AOPEP: variants seen among roughly 807,000 people sequenced by gnomAD.
AOPEP encodes aminopeptidase O.
Under a neutral mutation model 98.1 loss-of-function variants are expected in AOPEP, and 77 were observed. The ratio of observed to expected loss-of-function variants is 0.78; its 90% CI spans 0.65 to 0.95. The LOEUF is 0.95. Among genes scored for constraint, AOPEP ranks in the 40% least tolerant of loss-of-function variants. The pLI is 0.00. For missense variants in AOPEP, 1,024 were observed against 1,024.7 expected (o/e 1.00, Z 0.01); for synonymous variants, 346 against 365.3 (o/e 0.95, Z 0.60).
intron 2 of AOPEP, among the ~76,000 whole-genome samples, chr9:94,769,485 C>T (rs1840372849): frequency 6.6e-6 from 1 of 152,148 alleles, no homozygotes. Flanking sequence ...GGTGTGCCTA[C>T]CCTAAGACCT....
At chr9:94,855,862 T>C (rs1203991503) in intron 5 of AOPEP, among the ~76,000 whole-genome samples, 1 of 152,156 alleles carries the variant, frequency 6.6e-6, no homozygotes, top group African/African-American at 2.4e-5. Flanking sequence ...AAGTCACAGG[T>C]GTCCTCTTCT....
the AOPEP span, chr9:95,111,430 C>A: frequency 6.2e-7 from 1 of 1,605,012 alleles, no homozygotes; most frequent in South Asian, 1.1e-5. Context: ...CCAGAGCCCA[C>A]CCCAAACACA....
intron 5 of AOPEP, among the ~76,000 whole-genome samples, chr9:94,830,444 A>G (rs2134434146): frequency 6.6e-6 from 1 of 152,334 alleles, no homozygotes; most frequent in African/African-American, 2.4e-5. Flanking sequence ...CTTATCTTTC[A>G]TGGACATCTG....
the AOPEP span, among the ~76,000 whole-genome samples, chr9:95,135,938 A>G: frequency 0.5 from 75,286 of 152,032 alleles, 19,278 homozygotes; most frequent in East Asian, 0.62. Flanking sequence ...GTATGATCTC[A>G]GAGAAGTTAA....
Position 94,795,810 on chromosome 9 carries a change from C to T in AOPEP, c.1118+2892C>T, listed in dbSNP as rs116554721. ...AAGAGATGATGTCTAAAATTCCTGT[C>T]GGGCTTTAGGGGAAGAAGCAAGTAC... On this transcript the variant is annotated intron_variant, in intron 4 of 16. Transcript: ENST00000375315. Among the ~76,000 whole-genome samples, 508 of 152,240 alleles carry T rather than the reference C, an allele frequency of 3.3e-3. 3 individuals are homozygous for T. The highest frequency in any genetic ancestry group is 0.011 in the African/African-American group (456 of 41,542).
the AOPEP span, among the ~76,000 whole-genome samples, chr9:95,097,800 A>G: frequency 6.6e-6 from 1 of 152,232 alleles, no homozygotes. Context: ...GACCCATGGT[A>G]TAAACCAATT....
chr9:95,012,052 G>A (rs1201470467), intron 13 of AOPEP, among the ~76,000 whole-genome samples: 1 of 152,198 alleles, frequency 6.6e-6, no homozygotes, highest in African/African-American at 2.4e-5. Context: ...ATCAGATCAT[G>A]TAAATGTACA....
intron 14 of AOPEP, among the ~76,000 whole-genome samples, chr9:95,078,270 G>A (rs569762714): frequency 6.3e-4 from 96 of 152,310 alleles, no homozygotes; most frequent in Admixed American, 1.2e-3. Flanking sequence ...GGCCGCCACC[G>A]AGGGCCTTGT....
intron 11 of AOPEP, among the ~76,000 whole-genome samples, chr9:94,996,800 T>C (rs2061274424): frequency 6.6e-6 from 1 of 152,236 alleles, no homozygotes; most frequent in African/African-American, 2.4e-5. Context: ...GTGTGTGTTT[T>C]CTAAACAATA....
At chr9:94,732,072 A>AC (rs111865678) in intron 1 of AOPEP, among the ~76,000 whole-genome samples, 74 of 151,782 alleles carry the variant, frequency 4.9e-4, no homozygotes, top group African/African-American at 1.7e-3. Flanking sequence ...GGTGTGGGTC[A>AC]CCCCGCCCAG....
At chr9:94,828,733 C>A (rs1049978384) in intron 5 of AOPEP, among the ~76,000 whole-genome samples, 21 of 151,830 alleles carry the variant, frequency 1.4e-4, no homozygotes, top group African/African-American at 3.4e-4. Flanking sequence ...TATACACACA[C>A]AATATATATA....
At chr9:94,973,277 A>G (rs1017615128) in intron 10 of AOPEP, among the ~76,000 whole-genome samples, 2 of 152,354 alleles carry the variant, frequency 1.3e-5, no homozygotes, top group African/African-American at 2.4e-5. Context: ...CTCTTGATCA[A>G]GCAACATGTT....
rs111258660 is a variant in AOPEP at position 94,965,634 on chromosome 9, C to T, written c.1873-2124C>T. Among the ~76,000 whole-genome samples the T allele has an allele frequency of 3.7e-3, 561 of 152,330 alleles. 3 individuals are homozygous for T. The highest frequency in any genetic ancestry group is 0.013 in the African/African-American group (545 of 41,584). On this transcript the variant is annotated intron_variant, in intron 9 of 16. Coordinates refer to ENST00000375315, the MANE Select transcript of AOPEP (RefSeq NM_001193329.3). ...CAGTTAAATGGGTCTCATCAGAGTC[C>T]TGTGTGAAGTCTGTATCTGCAGACT...
At chr9:94,737,573 A>G (rs1587965069) in intron 1 of AOPEP, among the ~76,000 whole-genome samples, 1 of 152,262 alleles carries the variant, frequency 6.6e-6, no homozygotes, top group Non-Finnish European at 1.5e-5. Context: ...AGCCTTAACA[A>G]CAGTGTATAA....
intron 5 of AOPEP, among the ~76,000 whole-genome samples, chr9:94,810,440 G>A (rs534859122): frequency 1.3e-5 from 2 of 151,272 alleles, no homozygotes; most frequent in South Asian, 4.2e-4. Flanking sequence ...TCAGCCTCCC[G>A]AGTAGATGAG....
chr9:95,016,239 C>G (rs1305200218), intron 13 of AOPEP, among the ~76,000 whole-genome samples: 3 of 129,718 alleles, frequency 2.3e-5, no homozygotes, highest in Non-Finnish European at 3.2e-5. Flanking sequence ...GTTTCCTTCT[C>G]TTGTGATTTT....
At chr9:95,035,827 A>ATTT (rs146176950) in intron 13 of AOPEP, among the ~76,000 whole-genome samples, 2 of 147,404 alleles carry the variant, frequency 1.4e-5, no homozygotes, top group African/African-American at 5.0e-5. Flanking sequence ...AGCCCAGATA[A>ATTT]TTTTTTTTTT....
intron 1 of AOPEP, among the ~76,000 whole-genome samples, chr9:94,735,089 T>C (rs1157076572): frequency 2.0e-5 from 3 of 152,244 alleles, no homozygotes; most frequent in African/African-American, 7.2e-5. Context: ...GAAATTTTGT[T>C]TTCATGGCTT....
At chr9:94,837,409 G>A (rs1301517956) in intron 5 of AOPEP, among the ~76,000 whole-genome samples, 1 of 152,158 alleles carries the variant, frequency 6.6e-6, no homozygotes, top group Non-Finnish European at 1.5e-5. Flanking sequence ...ATTCTATGAA[G>A]CCAGTATCAC....
Sources: gnomAD v4.1 joint callset for allele counts (sites outside exome capture counted in the v4.1 genomes callset) on GRCh38, gnomAD v4.1.1 for gene constraint, MANE v1.5 for transcripts, NCBI Gene and HGNC (gene_info 2026-07-23, HGNC 2026-07-21) for gene names.